Variants in KDM4C observed in about 807,000 individuals in gnomAD.
KDM4C encodes lysine demethylase 4C.
Under a neutral mutation model 129.3 loss-of-function variants are expected in KDM4C, and 81 were observed. The ratio of observed to expected loss-of-function variants is 0.63; its 90% CI spans 0.52 to 0.75. The LOEUF is 0.75. KDM4C is among the 30% of genes least tolerant of loss of function. The pLI, the probability that KDM4C is intolerant of heterozygous loss-of-function variation, is 0.00. For synonymous variants in KDM4C, 573 were observed against 456.1 expected, an observed-to-expected ratio of 1.26 and a Z score of -3.26; for missense variants, 1,457 against 1,304.0, an observed-to-expected ratio of 1.12 and a Z score of -1.81.
chr9:6,723,670 A>G (rs1817031977), intron 1 of KDM4C: 1 of 151,398 alleles, frequency 6.6e-6, no homozygotes, highest in Non-Finnish European at 1.5e-5. Context: ...ATGTATATAG[A>G]TTTACTACAC....
At chr9:7,014,234 T>G (rs146661187) in intron 14 of KDM4C, 227 of 438,364 alleles carry the variant, frequency 5.2e-4, no homozygotes, top group African/African-American at 3.8e-3. Flanking sequence ...TTTGTTGGTT[T>G]GTTTGTTTGG....
intron 2 of KDM4C, among the ~76,000 whole-genome samples, chr9:6,794,049 C>A (rs781625264): frequency 7.9e-5 from 12 of 152,178 alleles, no homozygotes; most frequent in Non-Finnish European, 1.8e-4. Flanking sequence ...CCTGCTATCA[C>A]CCCCAGCCCA....
Position 6,867,284 on chromosome 9 carries a change from G to A in KDM4C, c.630-12728G>A, listed in dbSNP as rs543563044. Among the ~76,000 whole-genome samples the A allele has an allele frequency of 5.3e-5, 8 of 152,244 alleles. No individual in the cohort carries two copies. In the South Asian group the frequency reaches 1.5e-3, roughly 28 times the overall value. The stretch of plus-strand genomic sequence containing the variant: ...CCACCTCGGCCTCTGAAAGTGCTGG[G>A]ATTACAGGCGTGAGCCGCTGCGCCC... On this transcript the variant is annotated intron_variant, in intron 5 of 21. Transcript: ENST00000381309.
At chr9:7,053,946 T>C (rs1290278044) in intron 17 of KDM4C, among the ~76,000 whole-genome samples, 1 of 152,246 alleles carries the variant, frequency 6.6e-6, no homozygotes, top group East Asian at 1.9e-4. Flanking sequence ...CCAGTTTCCC[T>C]GTCAGCTTCA....
At chr9:6,790,682 A>AAAAAAAAAAG (rs71315564) in intron 1 of KDM4C, among the ~76,000 whole-genome samples, 4 of 113,196 alleles carry the variant, frequency 3.5e-5, no homozygotes, top group South Asian at 2.9e-4. Flanking sequence ...AAAAAAAAAA[A>AAAAAAAAAAG]GAGGAAAACT....
At chr9:7,143,701 C>G (rs150904888) in intron 19 of KDM4C, among the ~76,000 whole-genome samples, 49 of 152,254 alleles carry the variant, frequency 3.2e-4, no homozygotes, top group Non-Finnish European at 6.6e-4. Flanking sequence ...GACAGGTTTT[C>G]AACAACACAA....
In KDM4C at chr9:6,740,546, T is replaced by C. The variant is rs992291752; in HGVS notation, c.49+19549T>C. Among the ~76,000 whole-genome samples, 13 of 151,136 alleles carry C rather than the reference T, an allele frequency of 8.6e-5. No individual in the cohort carries two copies. In the Admixed American group the frequency reaches 8.6e-4, roughly 10 times the overall value. On this transcript the variant is annotated intron_variant, in intron 1 of 17. Transcript: ENST00000536108. ...TTATTTATTTATCCTTGAGATGAAG[T>C]CTTGCTCTGTTGCCCAGGATCTAGT...
At chr9:6,874,766 G>C (rs975975193) in intron 5 of KDM4C, among the ~76,000 whole-genome samples, 5 of 152,082 alleles carry the variant, frequency 3.3e-5, no homozygotes, top group African/African-American at 1.2e-4. Context: ...GAGAAGGCAA[G>C]GATGAAGCAT....
intron 8 of KDM4C, among the ~76,000 whole-genome samples, chr9:6,970,713 C>A (rs1831820876): frequency 6.6e-6 from 1 of 152,124 alleles, no homozygotes; most frequent in Admixed American, 6.5e-5. Flanking sequence ...ATGTCCTGTT[C>A]TTGGACAAAG....
At chr9:7,083,950 G>A (rs964611844) in intron 17 of KDM4C, among the ~76,000 whole-genome samples, 1 of 152,252 alleles carries the variant, frequency 6.6e-6, no homozygotes, top group East Asian at 1.9e-4. Context: ...GGACAAAAAA[G>A]CTATGGAGAA....
At chr9:6,960,300 T>TA (rs1554667120) in intron 8 of KDM4C, among the ~76,000 whole-genome samples, 4 of 150,704 alleles carry the variant, frequency 2.7e-5, no homozygotes, top group Non-Finnish European at 4.4e-5. Context: ...TTTTTTTTTT[T>TA]AAATACAGGG....
At chr9:6,753,428 G>C (rs1390674941), upstream of KDM4C, among the ~76,000 whole-genome samples, 1 of 152,018 alleles carries the variant, frequency 6.6e-6, no homozygotes, top group Admixed American at 6.6e-5. Flanking sequence ...CCACAGACTG[G>C]GTAATTTATT....
chr9:6,754,286 C>T (rs1263166174), upstream of KDM4C, among the ~76,000 whole-genome samples: 1 of 151,758 alleles, frequency 6.6e-6, no homozygotes, highest in Non-Finnish European at 1.5e-5. Context: ...TATCTTAGCT[C>T]ACTGCAACCT....
At chr9:7,150,196 C>T (rs759878937) in intron 19 of KDM4C, among the ~76,000 whole-genome samples, 2 of 152,206 alleles carry the variant, frequency 1.3e-5, no homozygotes, top group Admixed American at 1.3e-4. Context: ...CCGCAGGAGC[C>T]GCCCTCTGGC....
intron 17 of KDM4C, among the ~76,000 whole-genome samples, chr9:7,070,505 C>G (rs991264648): frequency 6.6e-6 from 1 of 152,024 alleles, no homozygotes; most frequent in Non-Finnish European, 1.5e-5. Flanking sequence ...ACTGAATCAG[C>G]AGTATATAAA....
At position 6,752,246 on chromosome 9, in the gene KDM4C, T is replaced by G. The variant is rs1047652254; in HGVS notation, c.49+31249T>G. ...TACACGGGAGGCTGAGGCAGGAGAA[T>G]GGCGTGAACCCGGGAGGCGGAGCTT... On this transcript the variant is annotated intron_variant, in intron 1 of 17. Coordinates refer to the KDM4C transcript ENST00000536108. Among the ~76,000 whole-genome samples the G allele has an allele frequency of 2.1e-4, 27 of 128,870 alleles. 1 individual carries two copies. The highest frequency in any genetic ancestry group is 7.8e-4 in the African/African-American group (26 of 33,352). 84.5% of individuals were successfully genotyped at this position (128,870 alleles called of 152,430 possible).
chr9:6,858,501 G>A lies in KDM4C; in HGVS notation c.629+8801G>A, dbSNP rs544855479. On this transcript the variant is annotated intron_variant, in intron 5 of 21. Coordinates refer to ENST00000381309, the MANE Select transcript of KDM4C (RefSeq NM_015061.6). ...AGCAAGCATTAATGCTGTTCACCTC[G>A]CAAATTACTGTGTTAGGGCTGGGCA... Among the ~76,000 whole-genome samples the A allele has an allele frequency of 2.4e-4, 36 of 152,200 alleles. 1 individual carries two copies. The South Asian group carries it at 3.9e-3, about 17-fold the overall frequency.
chr9:7,074,899 ACATCATGAAT>A (rs1371396767), intron 17 of KDM4C, among the ~76,000 whole-genome samples: 1 of 152,218 alleles, frequency 6.6e-6, no homozygotes, highest in East Asian at 1.9e-4. Context: ...CTATTTGAAT[ACATCATGAAT>A]TTAGGAGTTT....
intron 5 of KDM4C, among the ~76,000 whole-genome samples, chr9:6,861,226 C>A (rs183903255): frequency 1.2e-3 from 176 of 152,306 alleles, no homozygotes; most frequent in African/African-American, 4.0e-3. Flanking sequence ...TAGAACTCTT[C>A]ATTAATTTGT....
Sources: allele counts gnomAD v4.1 joint callset (sites outside exome capture counted in the v4.1 genomes callset), GRCh38; gene constraint gnomAD v4.1.1; transcripts MANE v1.5; gene names NCBI Gene and HGNC (gene_info 2026-07-23, HGNC 2026-07-21).